Variants in EDNRA observed in about 807,000 individuals in gnomAD.
The protein encoded by EDNRA is endothelin receptor type A, also known as endothelin-1 receptor.
A neutral mutation model predicts 41.4 loss-of-function variants in EDNRA; 11 were observed. The ratio of observed to expected loss-of-function variants is 0.27; its 90% CI spans 0.17 to 0.44. EDNRA has a LOEUF of 0.44. EDNRA is among the 20% of genes least tolerant of loss of function. The pLI, the probability that EDNRA is intolerant of heterozygous loss-of-function variation, is 1.00. For missense variants in EDNRA, 294 were observed against 531.0 expected (o/e 0.55, Z 4.39); for synonymous variants, 172 against 183.0 (o/e 0.94, Z 0.49).
intron 3 of EDNRA, among the ~76,000 whole-genome samples, chr4:147,523,530 G>A (rs1319910117): frequency 6.7e-6 from 1 of 148,972 alleles, no homozygotes; most frequent in Non-Finnish European, 1.5e-5. Flanking sequence ...TTGCTCTGTG[G>A]CCCAGGCTAG....
intron 2 of EDNRA, among the ~76,000 whole-genome samples, chr4:147,516,355 G>A (rs894405499): frequency 3.9e-5 from 6 of 152,178 alleles, no homozygotes; most frequent in Non-Finnish European, 8.8e-5. Context: ...CAAACAACTC[G>A]ATGGTAGGTT....
Position 147,486,574 on chromosome 4 carries a change from A to T in EDNRA, c.420+473A>T, listed in dbSNP as rs1297798570. ...AATGAATTGTATTTATTTTATTTTG[A>T]CTGTCTAGATTAATGATTAAAGCCA... On this transcript the variant is annotated intron_variant, in intron 2 of 7. Coordinates refer to ENST00000651419, the MANE Select transcript of EDNRA (RefSeq NM_001957.4). The surrounding 1 kb of genome is among the most constrained non-coding windows in gnomAD (Gnocchi z 4.3). Among the ~76,000 whole-genome samples, 1 of 152,154 alleles carries T rather than the reference A, an allele frequency of 6.6e-6. No homozygotes were observed.
chr4:147,524,897 C>CA (rs142853552), intron 3 of EDNRA, among the ~76,000 whole-genome samples: 15,642 of 148,570 alleles, frequency 0.11, 884 homozygotes, highest in South Asian at 0.2. Context: ...TCTACTACTA[C>CA]AAAAAAAAAT....
At chr4:147,525,288 T>C (rs1730497116) in intron 3 of EDNRA, among the ~76,000 whole-genome samples, 1 of 152,242 alleles carries the variant, frequency 6.6e-6, no homozygotes, top group African/African-American at 2.4e-5. Flanking sequence ...TAGGCTTTCA[T>C]TGCTAATTTC....
chr4:147,489,550 T>A (rs1729062400), intron 2 of EDNRA: 1 of 152,128 alleles, frequency 6.6e-6, no homozygotes, highest in African/African-American at 2.4e-5. Context: ...ACTGAAACGG[T>A]TTCATAGAGC....
chr4:147,536,333 C>T (rs113544839), intron 5 of EDNRA, among the ~76,000 whole-genome samples: 1 of 152,038 alleles, frequency 6.6e-6, no homozygotes, highest in Non-Finnish European at 1.5e-5. Context: ...GAAACTGTAC[C>T]AGGACACAAA....
intron 1 of EDNRA, among the ~76,000 whole-genome samples, chr4:147,482,815 T>C (rs562865465): frequency 2.6e-5 from 4 of 152,250 alleles, no homozygotes; most frequent in African/African-American, 9.6e-5. Context: ...ACCAGCATGC[T>C]AACGTTCAAA....
chr4:147,527,403 G>C (rs1480869768), intron 3 of EDNRA, among the ~76,000 whole-genome samples: 1 of 152,054 alleles, frequency 6.6e-6, no homozygotes, highest in Non-Finnish European at 1.5e-5. Flanking sequence ...AATTGATAAG[G>C]GCCACGCCCG....
chr4:147,522,040 A>C (rs529897112), intron 3 of EDNRA, among the ~76,000 whole-genome samples: 1 of 152,342 alleles, frequency 6.6e-6, no homozygotes, highest in African/African-American at 2.4e-5. Flanking sequence ...AGGTGCTGGA[A>C]TACACAAGAA....
chr4:147,496,732 G>T (rs1013151781), intron 2 of EDNRA, among the ~76,000 whole-genome samples: 5 of 152,184 alleles, frequency 3.3e-5, no homozygotes, highest in African/African-American at 1.2e-4. Context: ...CATTATGTTT[G>T]TGAGAGTCAT....
At chr4:147,498,361 A>G (rs1002396205) in intron 2 of EDNRA, among the ~76,000 whole-genome samples, 6 of 152,196 alleles carry the variant, frequency 3.9e-5, no homozygotes, top group African/African-American at 9.7e-5. Context: ...AAGGAAGTCA[A>G]CCCAGAGGGA....
At chr4:147,496,840 C>T (rs1729316290) in intron 2 of EDNRA, among the ~76,000 whole-genome samples, 2 of 152,164 alleles carry the variant, frequency 1.3e-5, no homozygotes, top group Non-Finnish European at 2.9e-5. Flanking sequence ...TAAAGATGGG[C>T]ATTATTAAGT....
At chr4:147,492,891 G>A (rs951398287) in intron 2 of EDNRA, 10 of 152,082 alleles carry the variant, frequency 6.6e-5, no homozygotes, top group African/African-American at 1.7e-4. Flanking sequence ...CTGACTTTTC[G>A]TTTCCTGTGT....
chr4:147,542,695 A>C lies in EDNRA; in HGVS notation c.*77A>C. 6.5e-7 allele frequency: 1 copy of C among 1,545,784 alleles called. No individual in the cohort carries two copies. Among genetic ancestry groups the C allele is most frequent in the Admixed American group, 1.8e-5 (1 of 54,822 alleles). On this transcript the variant is annotated 3_prime_UTR_variant, in exon 8 of 8. Transcript: ENST00000651419. ...ATCACAAGGCAACTGTGAGTCCGGG[A>C]ATCTCTTCTCTGATCCTTCTTCCTT...
intron 1 of EDNRA, among the ~76,000 whole-genome samples, chr4:147,483,627 C>T (rs1728846168): frequency 6.6e-6 from 1 of 152,056 alleles, no homozygotes; most frequent in Non-Finnish European, 1.5e-5. Flanking sequence ...TACTGATTTC[C>T]CAAGATAATT....
intron 2 of EDNRA, among the ~76,000 whole-genome samples, chr4:147,501,052 A>C (rs1305148514): frequency 6.6e-6 from 1 of 152,188 alleles, no homozygotes; most frequent in Non-Finnish European, 1.5e-5. Flanking sequence ...GAAATTCTTT[A>C]CTTGTTTGCA....
At chr4:147,491,382 A>T (rs1010237907) in intron 2 of EDNRA, 1 of 152,220 alleles carries the variant, frequency 6.6e-6, no homozygotes, top group Non-Finnish European at 1.5e-5. Flanking sequence ...GCTTCTTGAC[A>T]TATCAAATCA....
intron 2 of EDNRA, among the ~76,000 whole-genome samples, chr4:147,499,113 C>T (rs1454725793): frequency 1.3e-5 from 2 of 152,130 alleles, no homozygotes; most frequent in Non-Finnish European, 2.9e-5. Context: ...TGGAGTTCAG[C>T]GGCATAACCA....
At chr4:147,537,060 G>A (rs1730943480) in intron 5 of EDNRA, among the ~76,000 whole-genome samples, 1 of 152,162 alleles carries the variant, frequency 6.6e-6, no homozygotes, top group South Asian at 2.1e-4. Flanking sequence ...CAACAGAAAA[G>A]TATATAATGG....
Sources: allele counts gnomAD v4.1 joint callset (sites outside exome capture counted in the v4.1 genomes callset), GRCh38; gene constraint gnomAD v4.1.1; non-coding constraint Gnocchi (gnomAD v3.1); transcripts MANE v1.5; gene names NCBI Gene and HGNC (gene_info 2026-07-23, HGNC 2026-07-21).